RPTOR: variants seen among roughly 807,000 people sequenced by gnomAD.
The protein encoded by RPTOR is regulatory associated protein of MTOR complex 1.
A neutral mutation model predicts 169.9 loss-of-function variants in RPTOR; 21 were observed. The observed-to-expected ratio is 0.12, with a 90% CI of 0.09 to 0.18. The LOEUF (loss-of-function observed/expected upper bound fraction) is 0.18. RPTOR is among the 10% of genes least tolerant of loss of function. RPTOR has a pLI of 1.00. For synonymous variants in RPTOR, 732 were observed against 753.2 expected, an observed-to-expected ratio of 0.97 and a Z score of 0.46; for missense variants, 1,133 against 1,855.9, an observed-to-expected ratio of 0.61 and a Z score of 7.16.
In RPTOR at chr17:80,820,817, C is replaced by T. The variant is rs1278837371; in HGVS notation, c.891-1384C>T. On this transcript the variant is annotated intron_variant, in intron 7 of 33. Coordinates refer to ENST00000306801, the MANE Select transcript of RPTOR (RefSeq NM_020761.3). This position sits in a 1 kb window ranked among gnomAD's most constrained non-coding sequence, Gnocchi z 4.1. ...GGTGGGAATCCTTCATGATGCCTGC[C>T]CTCCACCACCCACACAGCTAATGAA... 6.6e-6 allele frequency among the ~76,000 whole-genome samples: 1 copy of T among 152,174 alleles called. No individual in the cohort carries two copies. Among genetic ancestry groups the T allele is most frequent in the Non-Finnish European group, 1.5e-5 (1 of 68,030 alleles).
intron 1 of RPTOR, among the ~76,000 whole-genome samples, chr17:80,579,271 G>A (rs1052035062): frequency 6.6e-6 from 1 of 151,996 alleles, no homozygotes; most frequent in East Asian, 1.9e-4. Flanking sequence ...TCGGCTCACC[G>A]CAACCTCCGC....
At chr17:80,689,270 G>A (rs1469251233) in intron 3 of RPTOR, among the ~76,000 whole-genome samples, 1 of 152,156 alleles carries the variant, frequency 6.6e-6, no homozygotes, top group Non-Finnish European at 1.5e-5. Flanking sequence ...TCCTAGAGAG[G>A]TTGCATCTGC....
intron 3 of RPTOR, among the ~76,000 whole-genome samples, chr17:80,683,351 A>G (rs946324681): frequency 6.6e-6 from 1 of 152,186 alleles, no homozygotes; most frequent in Non-Finnish European, 1.5e-5. Flanking sequence ...CAGAAGTGAT[A>G]CTGGGGCTTC....
chr17:80,831,778 T>TGTGTATCCCTGTGTGTCACC (rs1567936835), intron 9 of RPTOR, among the ~76,000 whole-genome samples: 3 of 151,916 alleles, frequency 2.0e-5, no homozygotes, highest in Admixed American at 6.5e-5. Flanking sequence ...TGTGTGTCAC[T>TGTGTATCCCTGTGTGTCACC]GTGTATCCCT....
At chr17:80,927,789 G>A (rs1205478264) in intron 24 of RPTOR, among the ~76,000 whole-genome samples, 3 of 151,168 alleles carry the variant, frequency 2.0e-5, no homozygotes, top group Non-Finnish European at 4.4e-5. Context: ...CCAAGCCAGC[G>A]TCTCCTCTCC....
At chr17:80,793,064 G>A (rs907171174) in intron 7 of RPTOR, among the ~76,000 whole-genome samples, 6 of 152,122 alleles carry the variant, frequency 3.9e-5, no homozygotes, top group African/African-American at 9.7e-5. Flanking sequence ...TCCCACCTCC[G>A]CTTCTCAAAG....
intron 7 of RPTOR, among the ~76,000 whole-genome samples, chr17:80,792,357 C>T (rs979039399): frequency 6.6e-6 from 1 of 152,174 alleles, no homozygotes; most frequent in Non-Finnish European, 1.5e-5. Flanking sequence ...CCAAGTTTCT[C>T]TTGTAAAAAC....
chr17:80,816,279 T>C (rs1451774454), intron 7 of RPTOR, among the ~76,000 whole-genome samples: 1 of 151,884 alleles, frequency 6.6e-6, no homozygotes, highest in South Asian at 2.1e-4. Context: ...GGCTGCAGGG[T>C]GCCGCAGAGG....
rs996632026 is a variant in RPTOR, at chr17:80,721,475, G to A, written c.508-9085G>A. 2.6e-5 allele frequency among the ~76,000 whole-genome samples: 4 copies of A among 151,454 alleles called. No individual in the cohort carries two copies. The highest frequency in any genetic ancestry group is 9.8e-5 in the African/African-American group (4 of 40,718). On this transcript the variant is annotated intron_variant, in intron 4 of 33. Transcript: ENST00000306801. This position sits in a 1 kb window ranked among gnomAD's most constrained non-coding sequence, Gnocchi z 4.7. ...GCCATGCTGGCTCTTCCTGCTGCGT[G>A]TGCATCTGGCCCTGGAAAGAGGCAC... is the stretch of plus-strand genomic sequence containing the variant.
At chr17:80,778,894 G>A (rs893883227) in intron 6 of RPTOR, among the ~76,000 whole-genome samples, 4 of 152,234 alleles carry the variant, frequency 2.6e-5, no homozygotes, top group African/African-American at 9.6e-5. Context: ...CATGTGCGGT[G>A]TCTGGCCGCG....
intron 16 of RPTOR, among the ~76,000 whole-genome samples, chr17:80,884,447 AGT>A (rs67579373): frequency 5.3e-5 from 8 of 152,174 alleles, no homozygotes; most frequent in African/African-American, 7.2e-5. Flanking sequence ...CGGCCTGTGC[AGT>A]GCACAGGGTG....
At chr17:80,577,598 C>T (rs1161553908) in intron 1 of RPTOR, among the ~76,000 whole-genome samples, 1 of 152,164 alleles carries the variant, frequency 6.6e-6, no homozygotes, top group African/African-American at 2.4e-5. Flanking sequence ...ATTTACAGTC[C>T]TTTCCACGGA....
In RPTOR at chr17:80,633,063, G is replaced by A. The variant is rs2065454150; in HGVS notation, c.265+7270G>A. Among the ~76,000 whole-genome samples the A allele has an allele frequency of 6.6e-6, 1 of 152,284 alleles. No individual in the cohort carries two copies. The highest frequency in any genetic ancestry group is 6.5e-5 in the Admixed American group (1 of 15,290). ...TCCTCCCACCTCGGCCTCTTAAAGT[G>A]TTGAAATGACCGGCATGAGCTACCA... On this transcript the variant is annotated intron_variant, in intron 2 of 33. Coordinates refer to ENST00000306801, the MANE Select transcript of RPTOR (RefSeq NM_020761.3). This position sits in a 1 kb window ranked among gnomAD's most constrained non-coding sequence, Gnocchi z 4.1.
chr17:80,607,228 C>T lies in RPTOR; in HGVS notation c.163-18463C>T, dbSNP rs1434039709. ...TGCTGGGATTATAGGCGTGAGCCACCGCGCCCAGCTTTCTTCAACCTGAAA... is the reference window on the plus strand; with the variant it reads ...TGCTGGGATTATAGGCGTGAGCCACTGCGCCCAGCTTTCTTCAACCTGAAA... On this transcript the variant is annotated intron_variant, in intron 1 of 33. Coordinates refer to ENST00000306801, the MANE Select transcript of RPTOR (RefSeq NM_020761.3). Among the ~76,000 whole-genome samples the T allele has an allele frequency of 3.3e-5, 5 of 152,268 alleles. No homozygotes were observed. In the South Asian group the frequency reaches 8.3e-4, roughly 25 times the overall value.
In RPTOR at chr17:80,861,540, C is replaced by CA. The variant is rs552280105; in HGVS notation, c.1509+3641dup. ...TGAAACGTGGTTTCTGTCCTACACC[C>CA]ATATCTTCGTCATCTACATGGACAC... On this transcript the variant is annotated intron_variant, in intron 13 of 33. Transcript: ENST00000306801. The surrounding 1 kb of genome is among the most constrained non-coding windows in gnomAD (Gnocchi z 4.5). 1.6e-3 allele frequency among the ~76,000 whole-genome samples: 250 copies of CA among 152,048 alleles called. 11 individuals are homozygous for CA. Among genetic ancestry groups the CA allele is most frequent in the African/African-American group, 5.7e-3 (235 of 41,542 alleles).
At chr17:80,755,756 AAAGAAAC>A (rs2066674412) in intron 6 of RPTOR, among the ~76,000 whole-genome samples, 2 of 151,266 alleles carry the variant, frequency 1.3e-5, no homozygotes, top group Admixed American at 1.3e-4. Context: ...AAAAAAAAAA[AAAGAAAC>A]AAAAAAAGAG....
At chr17:80,806,280 G>T (rs4969445) in intron 7 of RPTOR, among the ~76,000 whole-genome samples, 33,234 of 152,084 alleles carry the variant, frequency 0.22, 3,997 homozygotes, top group African/African-American at 0.31. Context: ...GTTTTTCAAA[G>T]TTCAAGTCAT....
intron 5 of RPTOR, among the ~76,000 whole-genome samples, chr17:80,747,176 A>G (rs558514540): frequency 6.6e-6 from 1 of 152,372 alleles, no homozygotes; most frequent in East Asian, 1.9e-4. Flanking sequence ...AGATTGCGCC[A>G]CTGCACGCCA....
chr17:80,600,648 T>C (rs920991669), intron 1 of RPTOR, among the ~76,000 whole-genome samples: 1 of 152,112 alleles, frequency 6.6e-6, no homozygotes, highest in Non-Finnish European at 1.5e-5. Context: ...CTTGAGGAAC[T>C]GCATGTTCCT....
Sources: allele counts gnomAD v4.1 joint callset (sites outside exome capture counted in the v4.1 genomes callset), GRCh38; gene constraint gnomAD v4.1.1; non-coding constraint Gnocchi (gnomAD v3.1); transcripts MANE v1.5; gene names NCBI Gene and HGNC (gene_info 2026-07-23, HGNC 2026-07-21).